The following KIF13A variants were observed in gnomAD, a reference collection of about 807,000 sequenced individuals.
KIF13A encodes kinesin family member 13A.
In KIF13A, 79 loss-of-function variants were observed where a neutral mutation model predicts 212.2. The observed-to-expected ratio is 0.37, with a 90% CI of 0.31 to 0.45. The LOEUF (loss-of-function observed/expected upper bound fraction) is 0.45, where lower values mean the gene tolerates loss of function less well. Ranked by LOEUF, KIF13A falls within the 20% of genes least tolerant of loss-of-function variation. The pLI is 1.00. For missense variants in KIF13A, 1,901 were observed against 2,209.0 expected, an observed-to-expected ratio of 0.86 and a Z score of 2.79; for synonymous variants, 789 against 808.6, an observed-to-expected ratio of 0.98 and a Z score of 0.41.
At chr6:17,975,315 G>A (rs1780254505) in intron 2 of KIF13A, among the ~76,000 whole-genome samples, 1 of 151,558 alleles carries the variant, frequency 6.6e-6, no homozygotes, top group Admixed American at 6.6e-5. Flanking sequence ...ACTGTGTTCC[G>A]AATTAGTAGG....
intron 28 of KIF13A, among the ~76,000 whole-genome samples, chr6:17,784,764 G>C (rs1247274822): frequency 1.3e-5 from 2 of 152,174 alleles, no homozygotes; most frequent in Non-Finnish European, 2.9e-5. Context: ...TACCGCAAGA[G>C]ACCTACAGGA....
At chr6:17,906,664 G>A (rs1294007900) in intron 2 of KIF13A, among the ~76,000 whole-genome samples, 1 of 151,898 alleles carries the variant, frequency 6.6e-6, no homozygotes, top group African/African-American at 2.4e-5. Context: ...TGTCCAGGCT[G>A]GTCTCGAACT....
chr6:17,962,089 G>T (rs1467037644), intron 2 of KIF13A, among the ~76,000 whole-genome samples: 1 of 152,126 alleles, frequency 6.6e-6, no homozygotes, highest in African/African-American at 2.4e-5. Context: ...CACTTTAGGA[G>T]GCCAAGGCGC....
intron 2 of KIF13A, among the ~76,000 whole-genome samples, chr6:17,943,825 G>A (rs925633620): frequency 6.6e-6 from 1 of 152,090 alleles, no homozygotes; most frequent in Non-Finnish European, 1.5e-5. Context: ...CATGGTCAAC[G>A]AACCCACCCA....
intron 2 of KIF13A, among the ~76,000 whole-genome samples, chr6:17,972,151 G>A (rs1779857569): frequency 6.6e-6 from 1 of 152,166 alleles, no homozygotes; most frequent in South Asian, 2.1e-4. Flanking sequence ...GCTTAAAAGT[G>A]GATAAGGCTG....
Position 17,789,015 on chromosome 6 carries a change from G to A in KIF13A, c.3261+857C>T, listed in dbSNP as rs1761311925. ...TGGGATTACAGGCGTGAGCCACCAC[G>A]CCCAGCCACTGTACCCACATTTTAC... On this transcript the variant is annotated intron_variant, in intron 26 of 38. Transcript: ENST00000259711. The surrounding 1 kb of genome is among the most constrained non-coding windows in gnomAD (Gnocchi z 4.8). 1.3e-5 allele frequency among the ~76,000 whole-genome samples: 2 copies of A among 152,106 alleles called. No homozygotes were observed. Among genetic ancestry groups the A allele is most frequent in the South Asian group, 2.1e-4 (1 of 4,826 alleles).
chr6:17,909,702 C>T (rs1039821008), intron 2 of KIF13A, among the ~76,000 whole-genome samples: 5 of 151,140 alleles, frequency 3.3e-5, no homozygotes, highest in Non-Finnish European at 7.4e-5. Flanking sequence ...CAAGACCAGT[C>T]TGGCCAACAT....
chr6:17,860,928 T>C (rs1768710341), intron 4 of KIF13A, among the ~76,000 whole-genome samples: 1 of 152,114 alleles, frequency 6.6e-6, no homozygotes, highest in Admixed American at 6.6e-5. Flanking sequence ...TGATAAAAAT[T>C]ACAAATCACT....
Position 17,838,585 on chromosome 6 carries a change from T to A in KIF13A, c.831-1002A>T, listed in dbSNP as rs1766204400. ...GCTGTTAGAATTTTAATAACAGCCA[T>A]TACCACAGAGTGGCATAAATATGTA... On this transcript the variant is annotated intron_variant, in intron 9 of 38. Coordinates refer to ENST00000259711, the MANE Select transcript of KIF13A (RefSeq NM_022113.6). This position sits in a 1 kb window ranked among gnomAD's most constrained non-coding sequence, Gnocchi z 4.2. 6.6e-6 allele frequency among the ~76,000 whole-genome samples: 1 copy of A among 152,150 alleles called. No individual in the cohort carries two copies. The highest frequency in any genetic ancestry group is 2.1e-4 in the South Asian group (1 of 4,836).
In KIF13A at chr6:17,853,187, C is replaced by G. The variant is rs565642120; in HGVS notation, c.495-1145G>C. 1.4e-3 allele frequency among the ~76,000 whole-genome samples: 206 copies of G among 152,286 alleles called. 2 individuals are homozygous for G. Among genetic ancestry groups the G allele is most frequent in the Admixed American group, 2.6e-3 (40 of 15,296 alleles). On this transcript the variant is annotated intron_variant, in intron 6 of 38. Coordinates refer to ENST00000259711, the MANE Select transcript of KIF13A (RefSeq NM_022113.6). ...GTTATGCCGTTTCATTTCATAACATCCCTACAAAGTAGGCTTTACCACCTT... is the reference window on the plus strand; with the variant it reads ...GTTATGCCGTTTCATTTCATAACATGCCTACAAAGTAGGCTTTACCACCTT...
At chr6:17,846,609 A>T (rs1490871695) in intron 9 of KIF13A, among the ~76,000 whole-genome samples, 2 of 131,588 alleles carry the variant, frequency 1.5e-5, no homozygotes. Flanking sequence ...TTCTTTAAAA[A>T]AAAAAAAAAA....
intron 4 of KIF13A, among the ~76,000 whole-genome samples, chr6:17,862,090 A>T (rs1768856293): frequency 6.6e-6 from 1 of 152,050 alleles, no homozygotes; most frequent in Admixed American, 6.5e-5. Context: ...ATCACAGCTT[A>T]TGGCAGCTTC....
rs1444492935 is a variant in KIF13A, at chr6:17,779,105, A to G, written c.3940-6T>C. 1.2e-6 allele frequency: 2 copies of G among 1,613,210 alleles called. No individual in the cohort carries two copies. Among genetic ancestry groups the G allele is most frequent in the Non-Finnish European group, 1.7e-6 (2 of 1,179,466 alleles). ...TCCTCTATCTCCTCAGTTGCCTACG[A>G]GGACAGGAAGGAAGTGACAATACTT... On this transcript the variant is annotated splice_region_variant and splice_polypyrimidine_tract_variant and intron_variant, in intron 32 of 38. Transcript: ENST00000259711.
chr6:17,806,937 G>A (rs72837271), intron 18 of KIF13A, among the ~76,000 whole-genome samples: 177 of 152,316 alleles, frequency 1.2e-3, no homozygotes, highest in Admixed American at 3.9e-3. Flanking sequence ...GGCTGGAACC[G>A]TAGCAGAGGA....
chr6:17,951,547 TCAC>T lies in KIF13A; in HGVS notation c.146+35504_146+35506del, dbSNP rs577427228. 1.6e-3 allele frequency: 685 copies of T among 424,290 alleles called. 3 individuals carry two copies. The highest frequency in any genetic ancestry group is 0.013 in the African/African-American group (619 of 48,974). 26.3% of individuals were successfully genotyped at this position (424,290 alleles called of 1,614,324 possible). A position where few individuals can be genotyped will look rare whatever the true frequency, so the allele number is the denominator to read the frequency against. Reference sequence around the variant, plus strand: ...GCATATTCACAGAGTTATGTGGCTATCACCACAACTGCAGAACATTCTCAATAC... The same window carrying T: ...GCATATTCACAGAGTTATGTGGCTATCACAACTGCAGAACATTCTCAATAC... On this transcript the variant is annotated intron_variant, in intron 2 of 38. Coordinates refer to ENST00000259711, the MANE Select transcript of KIF13A (RefSeq NM_022113.6). This position sits in a 1 kb window ranked among gnomAD's most constrained non-coding sequence, Gnocchi z 4.9.
rs577040560 is a variant in KIF13A at position 17,771,264 on chromosome 6, A to T, written c.4477-46T>A. The T allele has an allele frequency of 2.4e-6, 3 of 1,263,430 alleles. No homozygotes were observed. The highest frequency in any genetic ancestry group is 2.9e-5 in the African/African-American group (2 of 68,158). 78.3% of individuals were successfully genotyped at this position (1,263,430 alleles called of 1,614,324 possible). On this transcript the variant is annotated intron_variant, in intron 37 of 38. Coordinates refer to ENST00000259711, the MANE Select transcript of KIF13A (RefSeq NM_022113.6). This position sits in a 1 kb window ranked among gnomAD's most constrained non-coding sequence, Gnocchi z 5.4. The stretch of plus-strand genomic sequence containing the variant: ...AGATGCATCACACACAAAGACGACA[A>T]CGGCCAAAATACATATTAAGTACAT...
chr6:17,877,617 T>C (rs1770687205), intron 3 of KIF13A, among the ~76,000 whole-genome samples: 1 of 152,128 alleles, frequency 6.6e-6, no homozygotes, highest in African/African-American at 2.4e-5. Context: ...CTAAGTCAAC[T>C]CTCCTTACTT....
rs1309967095 is a variant in KIF13A, at chr6:17,786,381, C to T, written c.3362-740G>A. Among the ~76,000 whole-genome samples the T allele has an allele frequency of 6.6e-6, 1 of 152,096 alleles. No homozygotes were observed. Among genetic ancestry groups the T allele is most frequent in the Non-Finnish European group, 1.5e-5 (1 of 68,024 alleles). On this transcript the variant is annotated intron_variant, in intron 27 of 38. Transcript: ENST00000259711. The surrounding 1 kb of genome is among the most constrained non-coding windows in gnomAD (Gnocchi z 5.4). ...TTGGAGGCCGAGGTGGGCAGATCTC[C>T]TGAGGTCAGGAGTTCAAAACCAGCC...
In KIF13A at chr6:17,829,111, C is replaced by T. The variant is rs36096792; in HGVS notation, c.1402-741G>A. Reference sequence around the variant, plus strand: ...TACAGGTATGCGCCACCACGTCTGGCTAATTTTTATTTTTAGTACAGATGG... The same window carrying T: ...TACAGGTATGCGCCACCACGTCTGGTTAATTTTTATTTTTAGTACAGATGG... On this transcript the variant is annotated intron_variant, in intron 13 of 38. Transcript: ENST00000259711. This position sits in a 1 kb window ranked among gnomAD's most constrained non-coding sequence, Gnocchi z 5.4. 6.6e-6 allele frequency among the ~76,000 whole-genome samples: 1 copy of T among 152,112 alleles called. No homozygotes were observed. The highest frequency in any genetic ancestry group is 2.4e-5 in the African/African-American group (1 of 41,426).
Sources: allele counts gnomAD v4.1 joint callset (sites outside exome capture counted in the v4.1 genomes callset), GRCh38; gene constraint gnomAD v4.1.1; non-coding constraint Gnocchi (gnomAD v3.1); transcripts MANE v1.5; gene names NCBI Gene and HGNC (gene_info 2026-07-23, HGNC 2026-07-21).